Variants in SDC4 observed in about 807,000 individuals in gnomAD.
SDC4 encodes the protein syndecan 4.
Under a neutral mutation model 20.5 loss-of-function variants are expected in SDC4, and 17 were observed. The ratio of observed to expected loss-of-function variants is 0.83; its 90% CI spans 0.57 to 1.25. The LOEUF is 1.25. Among genes scored for constraint, SDC4 ranks in the 50% most tolerant of loss-of-function variants. SDC4 has a pLI of 0.00. For synonymous variants in SDC4, 107 were observed against 105.3 expected, an observed-to-expected ratio of 1.02 and a Z score of -0.10; for missense variants, 241 against 252.3, an observed-to-expected ratio of 0.96 and a Z score of 0.30.
rs1987998411 is a variant in SDC4 at position 45,344,264 on chromosome 20, G to A, written c.60+4061C>T. On this transcript the variant is annotated intron_variant, in intron 1 of 4. Coordinates refer to ENST00000372733, the MANE Select transcript of SDC4 (RefSeq NM_002999.4). ...CAGGCAAGGGGCTGTGAAAGTGCGG[G>A]ACCTAGTACAAACATGTCCTGTATG... 4.0e-5 allele frequency among the ~76,000 whole-genome samples: 6 copies of A among 151,442 alleles called. No individual in the cohort carries two copies. In the Admixed American group the frequency reaches 4.0e-4, roughly 10 times the overall value.
intron 1 of SDC4, among the ~76,000 whole-genome samples, chr20:45,343,447 A>G (rs991623039): frequency 6.6e-6 from 1 of 152,100 alleles, no homozygotes; most frequent in African/African-American, 2.4e-5. Context: ...GAGTGGTCTG[A>G]TACCCTTGGC....
intron 4 of SDC4, among the ~76,000 whole-genome samples, chr20:45,328,431 TC>T (rs1912193026): frequency 6.6e-6 from 1 of 152,222 alleles, no homozygotes; most frequent in South Asian, 2.1e-4. Flanking sequence ...TTCTCAAGAT[TC>T]ATTAACTGTA....
At chr20:45,343,174 GACAA>G in intron 1 of SDC4, among the ~76,000 whole-genome samples, 1 of 152,262 alleles carries the variant, frequency 6.6e-6, no homozygotes, top group Non-Finnish European at 1.5e-5. Context: ...GTTAGTTAAT[GACAA>G]ACAAGCCCAA....
In SDC4 at chr20:45,339,603, G is replaced by A. The variant is rs7345468; in HGVS notation, c.61-3683C>T. On this transcript the variant is annotated intron_variant, in intron 1 of 4. Transcript: ENST00000372733. Reference sequence around the variant, plus strand: ...ATCTCTACAAAAATTAGCCAAATGTGGTTGTGCACGCCTGTGGTCCCAGCT... The same window carrying A: ...ATCTCTACAAAAATTAGCCAAATGTAGTTGTGCACGCCTGTGGTCCCAGCT... Among the ~76,000 whole-genome samples the A allele has an allele frequency of 6.3e-3, 957 of 152,338 alleles. 8 individuals carry two copies. Among genetic ancestry groups the A allele is most frequent in the African/African-American group, 0.022 (911 of 41,560 alleles).
intron 3 of SDC4, 127 bp from the exon 4 acceptor site, chr20:45,330,691 A>G (rs181013062): frequency 1.3e-6 from 1 of 792,508 alleles, no homozygotes; most frequent in African/African-American, 1.7e-5. Flanking sequence ...ATGGTCCTGG[A>G]GCAGGAATTG....
intron 1 of SDC4, among the ~76,000 whole-genome samples, chr20:45,337,144 A>G (rs868610984): frequency 2.6e-5 from 4 of 152,152 alleles, no homozygotes; most frequent in Non-Finnish European, 4.4e-5. Context: ...AGTGGGAACA[A>G]TGTACCCTCA....
chr20:45,335,273 G>C (rs565125029), intron 2 of SDC4, among the ~76,000 whole-genome samples: 1 of 152,080 alleles, frequency 6.6e-6, no homozygotes, highest in African/African-American at 2.4e-5. Context: ...AACCTCCTAG[G>C]CTCAAGGGAT....
chr20:45,333,144 G>A, intron 2 of SDC4, 75 bp from the exon 3 acceptor site: 2 of 1,363,972 alleles, frequency 1.5e-6, no homozygotes, highest in Non-Finnish European at 2.1e-6. Context: ...GGACTGGTGG[G>A]AGCTCCACCT....
intron 1 of SDC4, among the ~76,000 whole-genome samples, chr20:45,337,085 C>T (rs966090172): frequency 1.3e-5 from 2 of 152,154 alleles, no homozygotes; most frequent in Non-Finnish European, 2.9e-5. Context: ...AGGTCCCGGG[C>T]AGCCCTACAG....
rs911513671 is a variant in SDC4 at position 45,327,040 on chromosome 20, A to G, written c.*224T>C. The G allele has an allele frequency of 2.0e-6, 1 of 502,494 alleles. No homozygotes were observed. The highest frequency in any genetic ancestry group is 3.5e-6 in the Non-Finnish European group (1 of 282,672). The allele number at this position is 502,494 out of a possible 1,614,324, so 31.1% of individuals were successfully genotyped here. On this transcript the variant is annotated 3_prime_UTR_variant, in exon 5 of 5. Coordinates refer to ENST00000372733, the MANE Select transcript of SDC4 (RefSeq NM_002999.4). ...CCCAGTCTTGCCTTCAGAAAGGCCA[A>G]GTTGAATCCATTTTTCTGCCAGGGC...
intron 2 of SDC4, 55 bp from the exon 3 acceptor site, chr20:45,333,124 C>G: frequency 6.5e-7 from 1 of 1,550,004 alleles, no homozygotes; most frequent in South Asian, 1.1e-5. Flanking sequence ...GAAAATGACC[C>G]CTTCAGCCAG....
At chr20:45,341,938 G>A (rs1053978848) in intron 1 of SDC4, among the ~76,000 whole-genome samples, 1 of 152,154 alleles carries the variant, frequency 6.6e-6, no homozygotes, top group Non-Finnish European at 1.5e-5. Context: ...TTTCCAATCT[G>A]TAAAAGACAG....
chr20:45,329,104 C>T (rs1474512642), intron 4 of SDC4, among the ~76,000 whole-genome samples: 1 of 152,192 alleles, frequency 6.6e-6, no homozygotes, highest in East Asian at 1.9e-4. Context: ...GCACAGGAAT[C>T]ATACAGCATA....
chr20:45,334,235 G>A (rs192440598), intron 2 of SDC4, among the ~76,000 whole-genome samples: 5 of 152,152 alleles, frequency 3.3e-5, no homozygotes, highest in African/African-American at 1.2e-4. Context: ...TTGACCTTGT[G>A]ATCCGCCTGC....
At chr20:45,327,667 C>T (rs1339180428) in intron 4 of SDC4, among the ~76,000 whole-genome samples, 10 of 136,182 alleles carry the variant, frequency 7.3e-5, no homozygotes, top group Middle Eastern at 7.6e-3. Flanking sequence ...CTTTTTGAGA[C>T]GAAGTCTCAC....
At position 45,348,243 on chromosome 20, in the gene SDC4, C is replaced by A. The variant is rs1201972888; in HGVS notation, c.60+82G>T. On this transcript the variant is annotated intron_variant, in intron 1 of 4. Transcript: ENST00000372733. The stretch of plus-strand genomic sequence containing the variant: ...TAGCGTACCCCCGATCTGCCCCCCC[C>A]CATCCCACGCTCCGACGAACAAAGG... 8 of 1,223,038 alleles carry A rather than the reference C, an allele frequency of 6.5e-6. No homozygotes were observed. In the East Asian group the frequency reaches 1.5e-4, roughly 24 times the overall value. 75.8% of individuals were successfully genotyped at this position (1,223,038 alleles called of 1,614,324 possible). A position where few individuals can be genotyped will look rare whatever the true frequency, so the allele number is the denominator to read the frequency against.
chr20:45,342,394 C>T (rs748851688), intron 1 of SDC4, among the ~76,000 whole-genome samples: 3 of 152,368 alleles, frequency 2.0e-5, no homozygotes, highest in Middle Eastern at 6.8e-3. Flanking sequence ...TCTGCCCCCA[C>T]GCCCAGAGGC....
intron 1 of SDC4, among the ~76,000 whole-genome samples, chr20:45,341,133 C>T (rs531626092): frequency 6.6e-6 from 1 of 152,122 alleles, no homozygotes; most frequent in Non-Finnish European, 1.5e-5. Context: ...TGCAAGGGAC[C>T]CAGCACGTGA....
chr20:45,327,790 C>T (rs948195125), intron 4 of SDC4, among the ~76,000 whole-genome samples: 4 of 152,196 alleles, frequency 2.6e-5, no homozygotes, highest in Non-Finnish European at 5.9e-5. Flanking sequence ...ATTATAGGCA[C>T]GTGCCACCAT....
Sources: allele counts gnomAD v4.1 joint callset (sites outside exome capture counted in the v4.1 genomes callset), GRCh38; gene constraint gnomAD v4.1.1; transcripts MANE v1.5; gene names NCBI Gene and HGNC (gene_info 2026-07-23, HGNC 2026-07-21).